The following DMBT1 variants were observed in gnomAD, a reference collection of about 807,000 sequenced individuals.
DMBT1 encodes deleted in malignant brain tumors 1, also known as scavenger receptor cysteine-rich domain-containing protein DMBT1.
In DMBT1, 198 loss-of-function variants were observed where a neutral mutation model predicts 252.9. That is an observed-to-expected ratio of 0.78 (90% CI 0.70 to 0.88). The LOEUF (loss-of-function observed/expected upper bound fraction) is 0.88, where lower values mean the gene tolerates loss of function less well. Among genes scored for constraint, DMBT1 ranks in the 40% least tolerant of loss-of-function variants. The pLI, the probability that DMBT1 is intolerant of heterozygous loss-of-function variation, is 0.00. For missense variants in DMBT1, 2,432 were observed against 2,404.7 expected (o/e 1.01, Z -0.24); for synonymous variants, 990 against 942.7 (o/e 1.05, Z -0.92).
At chr10:122,625,744 G>T (rs1384165265) in intron 45 of DMBT1, among the ~76,000 whole-genome samples, 189 bp from the exon 46 acceptor site, 1 of 152,178 alleles carries the variant, frequency 6.6e-6, no homozygotes, top group African/African-American at 2.4e-5. Context: ...AAAATATCCT[G>T]GGCCAAATAT....
At chr10:122,567,805 G>C (rs1334104177) in intron 2 of DMBT1, among the ~76,000 whole-genome samples, 1 of 152,172 alleles carries the variant, frequency 6.6e-6, no homozygotes, top group African/African-American at 2.4e-5. Context: ...AGAGGAGGCT[G>C]GAAAAGTAGG....
At chr10:122,578,836 G>A (rs893888574) in intron 9 of DMBT1, 77 bp downstream of exon 9, 3 of 1,415,104 alleles carry the variant, frequency 2.1e-6, no homozygotes, top group Admixed American at 3.9e-5. Context: ...GTTCACTTAT[G>A]ATTGCCATAA....
chr10:122,560,923 T>A, intron 1 of DMBT1, 92 bp downstream of exon 1: 1 of 977,024 alleles, frequency 1.0e-6, no homozygotes, highest in Non-Finnish European at 1.6e-6. Context: ...CAAGGGAAGT[T>A]TTATATCAAA....
At chr10:122,567,904 C>T (rs1039002049) in intron 2 of DMBT1, among the ~76,000 whole-genome samples, 1 of 152,184 alleles carries the variant, frequency 6.6e-6, no homozygotes, top group African/African-American at 2.4e-5. Context: ...TATATTTGTA[C>T]TTTCTAAAGA....
rs563255039 is a variant in DMBT1, at chr10:122,640,333, C to T, written c.7236C>T (p.Tyr2412=). The change falls in exon 55 of 56, where the codon TAC becomes TAT. Residue 2412 remains tyrosine, a synonymous_variant. Coordinates refer to ENST00000338354, the MANE Select transcript of DMBT1 (RefSeq NM_001377530.1). The part of the protein sequence containing the change: ...PYYVDLNQDL[Y]VQAEILHSDA... ...ACGTGGACCTGAACCAGGACTTGTACGTTCAGGCTGAAATCCTCCATTCTG... is the reference window on the plus strand; with the variant it reads ...ACGTGGACCTGAACCAGGACTTGTATGTTCAGGCTGAAATCCTCCATTCTG... The T allele has an allele frequency of 3.7e-5, 60 of 1,613,928 alleles. No individual in the cohort carries two copies. Among genetic ancestry groups the T allele is most frequent in the Middle Eastern group, 3.3e-4 (2 of 6,084 alleles).
At chr10:122,600,863 T>C in intron 27 of DMBT1, 128 bp from the exon 28 acceptor site, 1 of 907,178 alleles carries the variant, frequency 1.1e-6, no homozygotes, top group Non-Finnish European at 1.8e-6. Context: ...GGAAGACACA[T>C]GGGAAGCAAG....
rs758067219 is a variant in DMBT1, at chr10:122,637,304, T to A, written c.6934T>A (p.Phe2312Ile). ...FTIPYSGCGTFKQADNDTIDY... is the reference protein window; with the variant it reads ...FTIPYSGCGTIKQADNDTIDY... The stretch of plus-strand genomic sequence containing the variant: ...AATTCCCTACTCAGGCTGCGGCACC[T>A]TCAAGCAGGTAAGCCTGGGGCTTCC... Residue 2312 changes from phenylalanine (F) to isoleucine (I), a missense_variant, in exon 54 of 56, where the codon TTC becomes ATC. By Grantham distance (21) the Phe-to-Ile change is conservative. Coordinates refer to ENST00000338354, the MANE Select transcript of DMBT1 (RefSeq NM_001377530.1). 1 of 1,606,218 alleles carries A rather than the reference T, an allele frequency of 6.2e-7. No individual in the cohort carries two copies. The highest frequency in any genetic ancestry group is 8.5e-7 in the Non-Finnish European group (1 of 1,175,736).
At chr10:122,631,750 AG>A (rs2098166869) in intron 49 of DMBT1, 104 bp from the exon 50 acceptor site, 5 of 1,308,456 alleles carry the variant, frequency 3.8e-6, no homozygotes, top group East Asian at 2.4e-5. Context: ...ACCCTCGCCG[AG>A]GGGGGTCAGG....
chr10:122,569,617 A>G (rs1338346427), intron 2 of DMBT1, among the ~76,000 whole-genome samples: 1 of 152,244 alleles, frequency 6.6e-6, no homozygotes, highest in African/African-American at 2.4e-5. Context: ...GACTGAGCCC[A>G]TGCCACCATG....
Position 122,643,221 on chromosome 10 carries a change from C to T in DMBT1, c.7452C>T (p.Ser2484=), listed in dbSNP as rs753917841. 1.4e-5 allele frequency: 23 copies of T among 1,613,966 alleles called. No individual in the cohort carries two copies. The highest frequency in any genetic ancestry group is 4.4e-5 in the South Asian group (4 of 91,084). ...RAFHFLNRFP[S]VYLRCKMVVC... is the part of the protein sequence containing the mutation. ...TCCACTTCCTGAACCGCTTCCCCTC[C>T]GTGTACCTGCGTTGTAAAATGGTGG... Residue 2484 remains serine (S), a synonymous_variant, in exon 56 of 56, where the codon TCC becomes TCT. Coordinates refer to ENST00000338354, the MANE Select transcript of DMBT1 (RefSeq NM_001377530.1).
intron 2 of DMBT1, among the ~76,000 whole-genome samples, chr10:122,568,328 T>G (rs2097621407): frequency 6.6e-6 from 1 of 152,082 alleles, no homozygotes; most frequent in Non-Finnish European, 1.5e-5. Flanking sequence ...AGGGCTGGGC[T>G]GTCAGGGCTG....
Position 122,576,147 on chromosome 10 carries a change from C to G in DMBT1, c.284-252C>G, listed in dbSNP as rs185822716. 9.7e-4 allele frequency among the ~76,000 whole-genome samples: 147 copies of G among 152,268 alleles called. 1 individual carries two copies. The highest frequency in any genetic ancestry group is 2.7e-3 in the South Asian group (13 of 4,816). On this transcript the variant is annotated intron_variant, in intron 6 of 55. Coordinates refer to ENST00000338354, the MANE Select transcript of DMBT1 (RefSeq NM_001377530.1). ...AGAAGGGTCATGTGTATCTCTAGGT[C>G]CCCTCCAGGATGCAGATCAGGAGGA...
chr10:122,619,387 T>G (rs767792011), intron 42 of DMBT1, 50 bp downstream of exon 42: 2 of 1,612,100 alleles, frequency 1.2e-6, no homozygotes, highest in Non-Finnish European at 1.7e-6. Context: ...TTCTGCCCAG[T>G]TACCTCTTCC....
At position 122,625,316 on chromosome 10, in the gene DMBT1, C is replaced by T. The variant is rs757230152; in HGVS notation, c.5635+13C>T. On this transcript the variant is annotated intron_variant, in intron 45 of 55. Transcript: ENST00000338354. ...TCTACTACGACAGGTGAGTCTGCTA[C>T]ACCCCAGTCCAGCAATATTTCTCTT... 4.4e-6 allele frequency: 7 copies of T among 1,607,926 alleles called. No individual in the cohort carries two copies. In the East Asian group the frequency reaches 1.1e-4, roughly 26 times the overall value.
intron 44 of DMBT1, among the ~76,000 whole-genome samples, chr10:122,623,374 C>T (rs28738098): frequency 0.038 from 5,805 of 152,226 alleles, 295 homozygotes; most frequent in South Asian, 0.17. Context: ...AATTAGTGTA[C>T]GGTTTTTTGT....
intron 46 of DMBT1, among the ~76,000 whole-genome samples, chr10:122,626,784 C>A (rs1037407907): frequency 5.3e-5 from 8 of 152,288 alleles, no homozygotes; most frequent in African/African-American, 1.9e-4. Flanking sequence ...AGGAAAAGTT[C>A]AGTGTGCAAA....
Position 122,630,426 on chromosome 10 carries a change from C to G in DMBT1, c.5961C>G (p.His1987Gln). The change falls in exon 48 of 56, where the codon CAC (histidine) becomes CAG (glutamine). Residue 1987 changes from histidine (H) to glutamine (Q), a missense_variant. Physicochemically the swap from His to Gln is conservative, Grantham distance 24. Transcript: ENST00000338354. The part of the protein sequence containing the change: ...FTSSYNRMTI[H>Q]FRSDISFQNT... ...CTTCTTACAACCGAATGACCATTCA[C>G]TTTCGAAGTGACATCAGTTTCCAAA... 6.2e-7 allele frequency: 1 copy of G among 1,613,998 alleles called. No individual in the cohort carries two copies. The highest frequency in any genetic ancestry group is 8.5e-7 in the Non-Finnish European group (1 of 1,179,902).
At chr10:122,625,423 T>A in intron 45 of DMBT1, 120 bp downstream of exon 45, 1 of 963,450 alleles carries the variant, frequency 1.0e-6, no homozygotes, top group Non-Finnish European at 1.6e-6. Flanking sequence ...CTCTGAGGAC[T>A]CTGATCTTTG....
chr10:122,598,792 C>G lies in DMBT1; in HGVS notation c.2975C>G (p.Ala992Gly). The G allele has an allele frequency of 2.5e-6, 4 of 1,613,294 alleles. No homozygotes were observed. Among genetic ancestry groups the G allele is most frequent in the Admixed American group, 3.3e-5 (2 of 60,020 alleles). Residue 992 changes from alanine to glycine, a missense_variant, in exon 26 of 56, where the codon GCC becomes GGC. Around this residue, in one of 3 missense-constraint regions of DMBT1, gnomAD observed 1,264 missense variants for 1,082.2 expected, o/e 1.17. Transcript: ENST00000338354. The part of the protein sequence containing the change: ...ASTVGSESSL[A>G]LRLVNGGDRC... ...CCTGTAGGATCTGAATCCAGTTTGG[C>G]CCTGAGGCTGGTGAATGGAGGTGAC... is the stretch of plus-strand genomic sequence containing the variant.
Sources: gnomAD v4.1 joint callset for allele counts (sites outside exome capture counted in the v4.1 genomes callset) on GRCh38, gnomAD v4.1.1 for gene constraint, gnomAD v4.1.1 regional missense constraint, MANE v1.5 for transcripts, NCBI Gene and HGNC (gene_info 2026-07-23, HGNC 2026-07-21) for gene names.